The following USP34 variants were observed in gnomAD, a reference collection of about 807,000 sequenced individuals.
The protein encoded by USP34 is ubiquitin specific peptidase 34.
A neutral mutation model predicts 460.3 loss-of-function variants in USP34; 70 were observed. That is an observed-to-expected ratio of 0.15 (90% confidence interval 0.13 to 0.19). USP34 has a LOEUF of 0.19. USP34 is among the 10% of genes least tolerant of loss of function. The pLI is 1.00. For synonymous variants in USP34, 1,647 were observed against 1,405.3 expected, an observed-to-expected ratio of 1.17 and a Z score of -3.85; for missense variants, 3,985 against 4,236.2, an observed-to-expected ratio of 0.94 and a Z score of 1.65.
At chr2:61,376,519 AG>A (rs887508868) in intron 8 of USP34, among the ~76,000 whole-genome samples, 4 of 152,206 alleles carry the variant, frequency 2.6e-5, no homozygotes, top group East Asian at 1.9e-4. Context: ...TCCTTTTCAC[AG>A]GGGATGAGAG....
chr2:61,206,812 C>CAGA lies in USP34; in HGVS notation c.8991_8993dup (p.Leu2998dup). 1 of 1,613,646 alleles carries CAGA rather than the reference C, an allele frequency of 6.2e-7. No homozygotes were observed. The highest frequency in any genetic ancestry group is 8.5e-7 in the Non-Finnish European group (1 of 1,179,754). ...ACTTCAAAACCGAAAGAAATATTGA[C>CAGA]AGAAGTTCTACTAAATCTCCAGTCA... On this transcript the variant is annotated inframe_insertion, in exon 71 of 80. Coordinates refer to ENST00000398571, the MANE Select transcript of USP34 (RefSeq NM_014709.4).
chr2:61,453,971 A>T (rs577423368), intron 1 of USP34, among the ~76,000 whole-genome samples: 188 of 152,110 alleles, frequency 1.2e-3, no homozygotes, highest in East Asian at 4.8e-3. Context: ...AGCATTTTAT[A>T]AGAAAATGCT....
In USP34 at chr2:61,420,842, A is replaced by G. The variant is rs780787881; in HGVS notation, c.44-9T>C. On this transcript the variant is annotated splice_polypyrimidine_tract_variant and intron_variant, in intron 1 of 79. Transcript: ENST00000398571. Reference sequence around the variant, plus strand: ...ACCTTCTACATCTGATACTGAAATAAAAAAGAAATTTTAAAATTATGAATA... The same window carrying G: ...ACCTTCTACATCTGATACTGAAATAGAAAAGAAATTTTAAAATTATGAATA... The G allele has an allele frequency of 7.4e-5, 118 of 1,597,562 alleles. No homozygotes were observed. Among genetic ancestry groups the G allele is most frequent in the Non-Finnish European group, 9.8e-5 (115 of 1,172,066 alleles).
intron 1 of USP34, among the ~76,000 whole-genome samples, chr2:61,459,685 G>C (rs1026043779): frequency 6.6e-6 from 1 of 151,510 alleles, no homozygotes; most frequent in African/African-American, 2.4e-5. Flanking sequence ...GCTGAGGCAG[G>C]AGAATCGCTT....
chr2:61,305,121 C>T (rs923286205), intron 27 of USP34, among the ~76,000 whole-genome samples: 4 of 152,026 alleles, frequency 2.6e-5, no homozygotes, highest in South Asian at 2.1e-4. Context: ...GTCAGGAGCT[C>T]GAGACCAGCC....
chr2:61,233,032 G>C (rs993467241), intron 57 of USP34, among the ~76,000 whole-genome samples: 1 of 151,704 alleles, frequency 6.6e-6, no homozygotes, highest in African/African-American at 2.4e-5. Context: ...GCTGATTTTT[G>C]TATTTTTAGT....
Position 61,203,181 on chromosome 2 carries a change from G to C in USP34, c.9467C>G (p.Ala3156Gly). ...HQFIHLLCRV[A>G]INCEKFTETL... ...TTCAGTAAATTTTTCACAGTTGATT[G>C]CAACTCGGCATAATAGATGGATGAA... The change falls in exon 75 of 80, where the codon GCA becomes GGA. Residue 3156 changes from alanine (A) to glycine (G), a missense_variant. This residue lies in a region of USP34 where 28 missense variants were observed against 36.8 expected (regional missense o/e 0.76). Coordinates refer to ENST00000398571, the MANE Select transcript of USP34 (RefSeq NM_014709.4). 6.3e-7 allele frequency: 1 copy of C among 1,598,842 alleles called. No homozygotes were observed. The highest frequency in any genetic ancestry group is 8.5e-7 in the Non-Finnish European group (1 of 1,172,712).
At chr2:61,430,646 T>C (rs1218508421) in intron 1 of USP34, among the ~76,000 whole-genome samples, 1 of 152,206 alleles carries the variant, frequency 6.6e-6, no homozygotes, top group African/African-American at 2.4e-5. Flanking sequence ...TAGTTAATTT[T>C]TAAAATCAGC....
chr2:61,421,799 G>A (rs1001563938), intron 1 of USP34, among the ~76,000 whole-genome samples: 136 of 132,766 alleles, frequency 1.0e-3, no homozygotes, highest in Admixed American at 2.6e-3. Flanking sequence ...ACACACACAC[G>A]CGCGCGCGCG....
intron 10 of USP34, among the ~76,000 whole-genome samples, chr2:61,360,220 A>G (rs1405801938): frequency 6.6e-6 from 1 of 152,200 alleles, no homozygotes; most frequent in Non-Finnish European, 1.5e-5. Flanking sequence ...GACTTAAGGA[A>G]TAAAAGGACT....
intron 15 of USP34, among the ~76,000 whole-genome samples, chr2:61,346,913 A>G (rs1404361898): frequency 6.7e-6 from 1 of 150,074 alleles, no homozygotes; most frequent in African/African-American, 2.4e-5. Flanking sequence ...CGAGGCGGGC[A>G]GATCATCTGA....
At chr2:61,414,663 AAAC>A (rs1413083349) in intron 2 of USP34, among the ~76,000 whole-genome samples, 1 of 152,204 alleles carries the variant, frequency 6.6e-6, no homozygotes, top group African/African-American at 2.4e-5. Context: ...GGAAAGAATA[AAAC>A]AACAAAAGCA....
Position 61,301,028 on chromosome 2 carries a change from T to C in USP34, c.4051A>G (p.Thr1351Ala). ...ATCTCTAATAAATCAAAAAGAGTAGTTAAATGAGGCTCTTGTAAAAGCAAA... is the reference window on the plus strand; with the variant it reads ...ATCTCTAATAAATCAAAAAGAGTAGCTAAATGAGGCTCTTGTAAAAGCAAA... The part of the protein sequence containing the change: ...MLLLLQEPHL[T>A]TLFDLLEMLA... The change falls in exon 29 of 80, where the codon ACT (threonine) becomes GCT (alanine). Residue 1351 changes from threonine (T) to alanine (A), a missense_variant. Transcript: ENST00000398571. 1 of 1,613,992 alleles carries C rather than the reference T, an allele frequency of 6.2e-7. No homozygotes were observed.
intron 6 of USP34, among the ~76,000 whole-genome samples, chr2:61,382,817 C>T (rs1303786287): frequency 1.3e-5 from 2 of 152,248 alleles, no homozygotes; most frequent in East Asian, 1.9e-4. Context: ...TGTAACCCAC[C>T]CCCTAGAACT....
chr2:61,212,071 C>T (rs751341), intron 68 of USP34, 142 bp from the exon 69 acceptor site: 589,854 of 1,165,734 alleles, frequency 0.51, 153,852 homozygotes, highest in African/African-American at 0.76. Flanking sequence ...GTTATAAAAT[C>T]AGTAACAAAT....
chr2:61,396,640 C>T (rs1247605112), intron 3 of USP34, among the ~76,000 whole-genome samples: 2 of 152,194 alleles, frequency 1.3e-5, no homozygotes, highest in African/African-American at 2.4e-5. Context: ...AGGCGCCCAC[C>T]ACCATGCCCG....
intron 1 of USP34, among the ~76,000 whole-genome samples, chr2:61,432,938 T>G (rs1404582643): frequency 6.6e-6 from 1 of 151,928 alleles, no homozygotes; most frequent in Non-Finnish European, 1.5e-5. Flanking sequence ...AACAGAAGAT[T>G]AAGATATTAG....
At chr2:61,454,272 T>G (rs915086587) in intron 1 of USP34, among the ~76,000 whole-genome samples, 5 of 151,832 alleles carry the variant, frequency 3.3e-5, no homozygotes, top group Non-Finnish European at 5.9e-5. Flanking sequence ...ATTACAGGCG[T>G]GTGCCATCAT....
chr2:61,409,279 G>A (rs1236721578), intron 2 of USP34, among the ~76,000 whole-genome samples: 2 of 151,964 alleles, frequency 1.3e-5, no homozygotes, highest in Non-Finnish European at 2.9e-5. Context: ...GGGTGTGGTG[G>A]CTCACGCCTG....
Sources: allele counts gnomAD v4.1 joint callset (sites outside exome capture counted in the v4.1 genomes callset), GRCh38; gene constraint gnomAD v4.1.1; regional missense constraint gnomAD v4.1.1; transcripts MANE v1.5; gene names NCBI Gene and HGNC (gene_info 2026-07-23, HGNC 2026-07-21).